BCAS3: variants seen among roughly 807,000 people sequenced by gnomAD.
BCAS3 encodes BCAS4/BCAS3 fusion.
A neutral mutation model predicts 116.1 loss-of-function variants in BCAS3; 53 were observed. The ratio of observed to expected loss-of-function variants is 0.46; its 90% confidence interval spans 0.37 to 0.57. The LOEUF is 0.57. Among genes scored for constraint, BCAS3 ranks in the 20% least tolerant of loss-of-function variants. The pLI is 0.00. For missense variants in BCAS3, 917 were observed against 1,165.4 expected, an observed-to-expected ratio of 0.79 and a Z score of 3.10; for synonymous variants, 391 against 408.2, an observed-to-expected ratio of 0.96 and a Z score of 0.51.
In BCAS3 at chr17:61,300,547, C is replaced by T. The variant is rs961883585; in HGVS notation, c.2426-67780C>T. ...ATGTATGGCATCTTGACGCAGTGTT[C>T]CTGGCCAAAAAAGAAAAGAAAAGAA... is the stretch of plus-strand genomic sequence containing the variant. On this transcript the variant is annotated intron_variant, in intron 22 of 23. Transcript: ENST00000407086. The surrounding 1 kb of genome is among the most constrained non-coding windows in gnomAD (Gnocchi z 5.1). Among the ~76,000 whole-genome samples the T allele has an allele frequency of 6.6e-6, 1 of 151,876 alleles. No homozygotes were observed. The highest frequency in any genetic ancestry group is 2.4e-5 in the African/African-American group (1 of 41,310).
chr17:60,974,918 A>G (rs1201775858), intron 14 of BCAS3, among the ~76,000 whole-genome samples: 1 of 152,006 alleles, frequency 6.6e-6, no homozygotes, highest in South Asian at 2.1e-4. Context: ...AATGGAAGGA[A>G]ACTTAATAAG....
rs1044714918 is a variant in BCAS3, at chr17:61,248,186, ACTT to A, written c.2426-120135_2426-120133del. On this transcript the variant is annotated intron_variant, in intron 22 of 23. Coordinates refer to ENST00000407086, the MANE Select transcript of BCAS3 (RefSeq NM_017679.5). The surrounding 1 kb of genome is among the most constrained non-coding windows in gnomAD (Gnocchi z 4.3). ...TTTCCCCAACAAAGCCACCAAGGGA[ACTT>A]CTTCTGATCCTATCTCTTTTGTAGG... Among the ~76,000 whole-genome samples the A allele has an allele frequency of 6.6e-6, 1 of 152,108 alleles. No homozygotes were observed. The highest frequency in any genetic ancestry group is 1.5e-5 in the Non-Finnish European group (1 of 68,008).
rs746138997 is a variant in BCAS3, at chr17:60,808,067, G to C, written c.467G>C (p.Gly156Ala). The change falls in exon 7 of 24, where the codon GGA becomes GCA. Residue 156 changes from glycine (G) to alanine (A), a missense_variant. This residue lies in a region of BCAS3 where 807 missense variants were observed against 1,026.0 expected (regional missense o/e 0.79). Transcript: ENST00000407086. ...CTCCTTGGTGTTTGTAAGAGCATTG[G>C]ATCTTCTGGGTAAGGAAATTTTAAA... is the stretch of plus-strand genomic sequence containing the variant. ...RPLLGVCKSIGSSGTSPPYCC... is the reference protein window; with the variant it reads ...RPLLGVCKSIASSGTSPPYCC... 1.9e-6 allele frequency: 3 copies of C among 1,600,160 alleles called. No individual in the cohort carries two copies. Among genetic ancestry groups the C allele is most frequent in the Admixed American group, 3.4e-5 (2 of 58,562 alleles).
chr17:61,166,274 A>G (rs2078485035), intron 22 of BCAS3, among the ~76,000 whole-genome samples: 1 of 152,080 alleles, frequency 6.6e-6, no homozygotes, highest in African/African-American at 2.4e-5. Flanking sequence ...CAAACTACTT[A>G]CTAGTTAAAA....
rs984486253 is a variant in BCAS3, at chr17:61,249,150, G to A, written c.2426-119177G>A. Among the ~76,000 whole-genome samples the A allele has an allele frequency of 6.6e-6, 1 of 152,078 alleles. No individual in the cohort carries two copies. Among genetic ancestry groups the A allele is most frequent in the African/African-American group, 2.4e-5 (1 of 41,410 alleles). On this transcript the variant is annotated intron_variant, in intron 22 of 23. Coordinates refer to ENST00000407086, the MANE Select transcript of BCAS3 (RefSeq NM_017679.5). This position sits in a 1 kb window ranked among gnomAD's most constrained non-coding sequence, Gnocchi z 6.2. ...AAAATACAAAAAATTAGCCGGGAAT[G>A]GTGGCGGGTGCCTGTAATCCCAGCT...
intron 19 of BCAS3, among the ~76,000 whole-genome samples, chr17:61,071,153 A>G (rs2071394593): frequency 6.6e-6 from 1 of 152,194 alleles, no homozygotes; most frequent in Admixed American, 6.5e-5. Flanking sequence ...TAACAAGTGG[A>G]CAAAAAAAGT....
chr17:61,190,933 TG>T (rs1337518780), intron 22 of BCAS3, among the ~76,000 whole-genome samples: 2 of 152,196 alleles, frequency 1.3e-5, no homozygotes, highest in Admixed American at 1.3e-4. Flanking sequence ...TAGCTGGGTG[TG>T]ATGGCATATG....
intron 22 of BCAS3, among the ~76,000 whole-genome samples, chr17:61,125,533 CAAAA>C: frequency 6.6e-6 from 1 of 151,802 alleles, no homozygotes; most frequent in East Asian, 1.9e-4. Context: ...AGAATATTGA[CAAAA>C]AAAATTTTTA....
At position 61,040,849 on chromosome 17, in the gene BCAS3, C is replaced by A; in HGVS notation, c.1986C>A (p.Leu662=). 6.2e-7 allele frequency: 1 copy of A among 1,614,062 alleles called. No individual in the cohort carries two copies. The highest frequency in any genetic ancestry group is 1.1e-5 in the South Asian group (1 of 91,082). ...PPFNANHPLL[L]AADAVQYYQF... is the part of the protein sequence containing the mutation. ...TTAATGCAAACCACCCTCTGCTCCT[C>A]GCTGCAGATGCAGTACAGTATTATC... is the stretch of plus-strand genomic sequence containing the variant. The change falls in exon 19 of 24, where the codon CTC becomes CTA. Residue 662 remains leucine (L), a synonymous_variant. Coordinates refer to ENST00000407086, the MANE Select transcript of BCAS3 (RefSeq NM_017679.5).
At chr17:61,284,973 C>T (rs2051608512) in intron 22 of BCAS3, among the ~76,000 whole-genome samples, 1 of 152,222 alleles carries the variant, frequency 6.6e-6, no homozygotes. Context: ...AAGCAAGTGT[C>T]ATCAAGGTTC....
chr17:61,094,891 A>T (rs1427682981), intron 22 of BCAS3, among the ~76,000 whole-genome samples: 1 of 152,222 alleles, frequency 6.6e-6, no homozygotes, highest in Non-Finnish European at 1.5e-5. Flanking sequence ...AACTAATATG[A>T]TTTTTTGCAT....
intron 14 of BCAS3, among the ~76,000 whole-genome samples, chr17:60,970,148 T>C (rs2061877478): frequency 6.6e-6 from 1 of 152,220 alleles, no homozygotes; most frequent in African/African-American, 2.4e-5. Flanking sequence ...TATTGTATTA[T>C]ATGTACATGT....
rs2080004762 is a variant in BCAS3 at position 61,189,992 on chromosome 17, G to A, written c.2425+105428G>A. On this transcript the variant is annotated intron_variant, in intron 22 of 23. Coordinates refer to ENST00000407086, the MANE Select transcript of BCAS3 (RefSeq NM_017679.5). The surrounding 1 kb of genome is among the most constrained non-coding windows in gnomAD (Gnocchi z 4.5). ...ATTACAGACTAGCATAGGATAATTT[G>A]TACAGAATTAACTGTCAAAGAAGCA... is the stretch of plus-strand genomic sequence containing the variant. Among the ~76,000 whole-genome samples the A allele has an allele frequency of 6.6e-6, 1 of 152,202 alleles. No individual in the cohort carries two copies. The highest frequency in any genetic ancestry group is 1.5e-5 in the Non-Finnish European group (1 of 68,034).
At chr17:61,267,122 G>GGA (rs1445222509) in intron 22 of BCAS3, among the ~76,000 whole-genome samples, 129 of 152,106 alleles carry the variant, frequency 8.5e-4, no homozygotes, top group Admixed American at 1.8e-3. Flanking sequence ...CAGTGGTGCG[G>GGA]TCTCGGCTCA....
Position 61,190,790 on chromosome 17 carries a change from A to T in BCAS3, c.2425+106226A>T, listed in dbSNP as rs1047665995. Among the ~76,000 whole-genome samples, 8 of 151,918 alleles carry T rather than the reference A, an allele frequency of 5.3e-5. No homozygotes were observed. The East Asian group carries it at 7.8e-4, about 15-fold the overall frequency. Reference sequence around the variant, plus strand: ...GGCTAATTTTGTATTTTTAGTACAGATGGGGTTTCACTGTGTTGGTCAGGC... The same window carrying T: ...GGCTAATTTTGTATTTTTAGTACAGTTGGGGTTTCACTGTGTTGGTCAGGC... On this transcript the variant is annotated intron_variant, in intron 22 of 23. Coordinates refer to ENST00000407086, the MANE Select transcript of BCAS3 (RefSeq NM_017679.5).
At chr17:61,166,366 T>C (rs188212620) in intron 22 of BCAS3, among the ~76,000 whole-genome samples, 92 of 149,822 alleles carry the variant, frequency 6.1e-4, no homozygotes, top group Admixed American at 1.4e-3. Flanking sequence ...CGTTTTATTA[T>C]TATTGTTACT....
chr17:60,722,952 G>A (rs1233763836), intron 5 of BCAS3, among the ~76,000 whole-genome samples: 1 of 151,050 alleles, frequency 6.6e-6, no homozygotes, highest in Non-Finnish European at 1.5e-5. Flanking sequence ...GAGGGGAGAG[G>A]ATCACTTGAG....
At chr17:60,758,442 T>C (rs914750607) in intron 6 of BCAS3, among the ~76,000 whole-genome samples, 8 of 152,096 alleles carry the variant, frequency 5.3e-5, no homozygotes, top group African/African-American at 1.9e-4. Flanking sequence ...TTGAGTTTGG[T>C]TTATTCTTGG....
In BCAS3 at chr17:61,376,495, G is replaced by A. The variant is rs1038581936; in HGVS notation, c.2593+8001G>A. Among the ~76,000 whole-genome samples, 6 of 152,188 alleles carry A rather than the reference G, an allele frequency of 3.9e-5. No homozygotes were observed. The highest frequency in any genetic ancestry group is 2.1e-4 in the South Asian group (1 of 4,814). ...GATACCCAGGAAGGGTTAGTCTTTC[G>A]GCCTCCTGAAAGTAGGAATCGCTCT... On this transcript the variant is annotated intron_variant, in intron 23 of 23. Transcript: ENST00000407086. The surrounding 1 kb of genome is among the most constrained non-coding windows in gnomAD (Gnocchi z 4.5).
Sources: allele counts gnomAD v4.1 joint callset (sites outside exome capture counted in the v4.1 genomes callset), GRCh38; gene constraint gnomAD v4.1.1; regional missense constraint gnomAD v4.1.1; non-coding constraint Gnocchi (gnomAD v3.1); transcripts MANE v1.5; gene names NCBI Gene and HGNC (gene_info 2026-07-23, HGNC 2026-07-21).